The following MAGI1 variants were observed in gnomAD, a reference collection of about 807,000 sequenced individuals.
MAGI1 encodes the protein membrane-associated guanylate kinase, WW and PDZ domain-containing protein 1.
MAGI1 carries 58 observed loss-of-function variants against 139.9 expected under a neutral mutation model. That is an observed-to-expected ratio of 0.41 (90% CI 0.34 to 0.52). MAGI1 has a LOEUF of 0.52. Among genes scored for constraint, MAGI1 ranks in the 20% least tolerant of loss-of-function variants. The pLI, the probability that MAGI1 is intolerant of heterozygous loss-of-function variation, is 0.12. For missense variants in MAGI1, 1,874 were observed against 1,901.6 expected, an observed-to-expected ratio of 0.99 and a Z score of 0.27; for synonymous variants, 812 against 737.9, an observed-to-expected ratio of 1.10 and a Z score of -1.63.
chr3:65,420,307 A>G (rs1946548846), intron 12 of MAGI1, among the ~76,000 whole-genome samples: 1 of 151,628 alleles, frequency 6.6e-6, no homozygotes, highest in African/African-American at 2.4e-5. Flanking sequence ...GGGTCTTTGC[A>G]CTAACTGTCC....
chr3:65,760,386 T>G (rs1186876890), intron 1 of MAGI1, among the ~76,000 whole-genome samples: 1 of 137,250 alleles, frequency 7.3e-6, no homozygotes, highest in Non-Finnish European at 1.6e-5. Context: ...AACAGAGCGG[T>G]AATTTTTTTT....
At chr3:65,635,659 T>C (rs2084572364) in intron 1 of MAGI1, among the ~76,000 whole-genome samples, 1 of 152,204 alleles carries the variant, frequency 6.6e-6, no homozygotes, top group Non-Finnish European at 1.5e-5. Flanking sequence ...GTAAGATGTT[T>C]TAAATGTTTT....
chr3:65,966,605 G>A (rs2064754488), intron 1 of MAGI1, among the ~76,000 whole-genome samples: 1 of 150,458 alleles, frequency 6.6e-6, no homozygotes, highest in Non-Finnish European at 1.5e-5. Context: ...GTGGGCAGGG[G>A]TAGGGGGGAG....
At chr3:65,970,234 G>A (rs1358392457) in intron 1 of MAGI1, among the ~76,000 whole-genome samples, 8 of 152,120 alleles carry the variant, frequency 5.3e-5, no homozygotes, top group African/African-American at 1.2e-4. Context: ...GAACTATGCC[G>A]ATCACAAAAG....
chr3:65,570,617 C>G (rs2080912017), intron 2 of MAGI1, among the ~76,000 whole-genome samples: 1 of 152,044 alleles, frequency 6.6e-6, no homozygotes, highest in South Asian at 2.1e-4. Context: ...CCAGGATTTG[C>G]TACAAAATAA....
At chr3:65,853,891 G>C (rs1049391301) in intron 1 of MAGI1, among the ~76,000 whole-genome samples, 1 of 152,118 alleles carries the variant, frequency 6.6e-6, no homozygotes, top group African/African-American at 2.4e-5. Context: ...GATCACCTGA[G>C]GTTGGGAGTT....
chr3:66,031,264 G>A (rs986572790), intron 1 of MAGI1, among the ~76,000 whole-genome samples: 1 of 152,164 alleles, frequency 6.6e-6, no homozygotes, highest in African/African-American at 2.4e-5. Flanking sequence ...CAAACTCAAG[G>A]AAAGGGCCAC....
intron 1 of MAGI1, among the ~76,000 whole-genome samples, chr3:65,884,731 C>A (rs2060466330): frequency 6.6e-6 from 1 of 152,094 alleles, no homozygotes; most frequent in Non-Finnish European, 1.5e-5. Flanking sequence ...CATTTTTCAA[C>A]CCCTTCCTCC....
At chr3:65,427,644 C>T (rs1947150657) in intron 12 of MAGI1, among the ~76,000 whole-genome samples, 2 of 152,120 alleles carry the variant, frequency 1.3e-5, no homozygotes, top group Admixed American at 1.3e-4. Flanking sequence ...ATACAAAAAT[C>T]AGTGTTATTC....
intron 1 of MAGI1, among the ~76,000 whole-genome samples, chr3:65,957,882 C>T (rs2064213362): frequency 6.6e-6 from 1 of 152,264 alleles, no homozygotes. Flanking sequence ...GATTCTCCTG[C>T]CTCAGCCTCC....
rs377716095 is a variant in MAGI1, at chr3:65,608,808, T to C, written c.430+13164A>G. On this transcript the variant is annotated intron_variant, in intron 2 of 22. Coordinates refer to ENST00000402939, the MANE Select transcript of MAGI1 (RefSeq NM_001033057.2). ...GAATTGTGCACATATGTCCATTGTA[T>C]AAGAATGCTCACAACAGTAGCTAAA... Among the ~76,000 whole-genome samples, 38 of 152,240 alleles carry C rather than the reference T, an allele frequency of 2.5e-4. No homozygotes were observed. In the East Asian group the frequency reaches 3.7e-3, roughly 15 times the overall value.
chr3:65,692,336 G>C (rs974098604), intron 1 of MAGI1, among the ~76,000 whole-genome samples: 4 of 152,158 alleles, frequency 2.6e-5, no homozygotes, highest in Non-Finnish European at 5.9e-5. Context: ...GATATTTGCT[G>C]ATGGCATACT....
intron 1 of MAGI1, among the ~76,000 whole-genome samples, chr3:65,988,290 T>C (rs1310892535): frequency 1.3e-5 from 2 of 152,188 alleles, no homozygotes; most frequent in Non-Finnish European, 2.9e-5. Flanking sequence ...TGGTCAGCTA[T>C]TTTTGAGGTG....
intron 1 of MAGI1, among the ~76,000 whole-genome samples, chr3:65,695,699 A>T (rs2089116619): frequency 6.6e-6 from 1 of 152,178 alleles, no homozygotes; most frequent in Non-Finnish European, 1.5e-5. Context: ...CTGGAAAGCC[A>T]TTTGATATTT....
At chr3:65,903,606 G>C (rs1246664915) in intron 1 of MAGI1, among the ~76,000 whole-genome samples, 2 of 152,206 alleles carry the variant, frequency 1.3e-5, no homozygotes, top group Non-Finnish European at 2.9e-5. Context: ...CTAAGACAGA[G>C]GGAAAAGAAG....
At chr3:65,468,170 T>C (rs1412153668) in intron 5 of MAGI1, among the ~76,000 whole-genome samples, 1 of 152,148 alleles carries the variant, frequency 6.6e-6, no homozygotes. Flanking sequence ...CATGACCCTT[T>C]AGTTGAGCTC....
intron 2 of MAGI1, among the ~76,000 whole-genome samples, chr3:65,527,708 G>A (rs948194686): frequency 2.6e-5 from 4 of 152,052 alleles, no homozygotes; most frequent in African/African-American, 4.8e-5. Context: ...CTGGGCAACA[G>A]AGCGAGACTC....
chr3:65,812,468 T>TCTCTCACACACACGCACACACA (rs1176899313), intron 1 of MAGI1, among the ~76,000 whole-genome samples: 1 of 89,168 alleles, frequency 1.1e-5, no homozygotes, highest in African/African-American at 3.2e-5. Flanking sequence ...TCTCTCTCTC[T>TCTCTCACACACACGCACACACA]CACACACACA....
chr3:65,758,209 G>A (rs1467259549), intron 1 of MAGI1, among the ~76,000 whole-genome samples: 1 of 152,146 alleles, frequency 6.6e-6, no homozygotes, highest in African/African-American at 2.4e-5. Flanking sequence ...GAGCTGTTGA[G>A]CCAATCACCT....
Sources: gnomAD v4.1 joint callset for allele counts (sites outside exome capture counted in the v4.1 genomes callset) on GRCh38, gnomAD v4.1.1 for gene constraint, MANE v1.5 for transcripts, NCBI Gene and HGNC (gene_info 2026-07-23, HGNC 2026-07-21) for gene names.